Variants in ST6GALNAC3 observed in about 807,000 individuals in gnomAD.
The protein encoded by ST6GALNAC3 is alpha-N-acetylgalactosaminide alpha-2,6-sialyltransferase 3.
ST6GALNAC3 carries 25 observed loss-of-function variants against 32.7 expected under a neutral mutation model. The ratio of observed to expected loss-of-function variants is 0.76; its 90% CI spans 0.56 to 1.07. ST6GALNAC3 has a LOEUF of 1.07. ST6GALNAC3 is among the 50% of genes least tolerant of loss of function. The probability of loss-of-function intolerance (pLI) is 0.00; values close to 1 mark genes in which losing one functional copy is unlikely to be tolerated. For missense variants in ST6GALNAC3, 355 were observed against 382.4 expected (o/e 0.93, Z 0.60); for synonymous variants, 129 against 133.1 (o/e 0.97, Z 0.21).
At chr1:76,484,348 C>T (rs1424546187) in intron 3 of ST6GALNAC3, among the ~76,000 whole-genome samples, 1 of 152,166 alleles carries the variant, frequency 6.6e-6, no homozygotes, top group African/African-American at 2.4e-5. Context: ...TTCTTCCTAT[C>T]CATGAGCATG....
intron 3 of ST6GALNAC3, among the ~76,000 whole-genome samples, chr1:76,566,590 C>A (rs186574947): frequency 1.3e-5 from 2 of 152,064 alleles, no homozygotes; most frequent in African/African-American, 4.8e-5. Flanking sequence ...CTCTTCCCTG[C>A]GCTACCCAGT....
At chr1:76,265,499 T>C (rs1346533901) in intron 1 of ST6GALNAC3, among the ~76,000 whole-genome samples, 1 of 152,208 alleles carries the variant, frequency 6.6e-6, no homozygotes, top group East Asian at 1.9e-4. Flanking sequence ...TCTCTCAATT[T>C]GATAGGCTGT....
chr1:76,139,303 C>T (rs764988829), intron 1 of ST6GALNAC3, among the ~76,000 whole-genome samples: 16 of 152,042 alleles, frequency 1.1e-4, no homozygotes, highest in Non-Finnish European at 2.2e-4. Flanking sequence ...CATACATTCA[C>T]AACTCATACA....
intron 1 of ST6GALNAC3, among the ~76,000 whole-genome samples, chr1:76,301,770 A>G (rs1461655399): frequency 6.6e-6 from 1 of 151,992 alleles, no homozygotes; most frequent in Non-Finnish European, 1.5e-5. Context: ...ATTGATATCT[A>G]TGTATGAGAA....
At chr1:76,393,683 T>C (rs1220258690) in intron 2 of ST6GALNAC3, among the ~76,000 whole-genome samples, 2 of 152,172 alleles carry the variant, frequency 1.3e-5, no homozygotes, top group Non-Finnish European at 2.9e-5. Context: ...AATCCTTCTG[T>C]GATACAATAC....
intron 2 of ST6GALNAC3, among the ~76,000 whole-genome samples, chr1:76,381,884 C>T (rs1019617864): frequency 6.6e-6 from 1 of 152,118 alleles, no homozygotes; most frequent in Non-Finnish European, 1.5e-5. Context: ...TTGCAGATTT[C>T]TACACCACAC....
At chr1:76,121,532 C>T (rs141643685) in intron 1 of ST6GALNAC3, among the ~76,000 whole-genome samples, 17 of 152,122 alleles carry the variant, frequency 1.1e-4, no homozygotes, top group African/African-American at 3.6e-4. Context: ...CTGGCTAACA[C>T]GGTGAAACCC....
At chr1:76,378,622 A>G (rs1651434621) in intron 2 of ST6GALNAC3, among the ~76,000 whole-genome samples, 1 of 151,510 alleles carries the variant, frequency 6.6e-6, no homozygotes, top group South Asian at 2.1e-4. Flanking sequence ...AGATCACACC[A>G]CTGCACTCCA....
chr1:76,611,080 T>G (rs1324434145), intron 3 of ST6GALNAC3, among the ~76,000 whole-genome samples: 1 of 151,792 alleles, frequency 6.6e-6, no homozygotes, highest in East Asian at 1.9e-4. Context: ...TATATATATA[T>G]ATACACACAC....
In ST6GALNAC3 at chr1:76,190,360, C is replaced by T. The variant is rs79504245; in HGVS notation, c.18+115476C>T. ...TTTCAGCCTAGTGACTTCTTGCTGC[C>T]GTGGAGTGGCTGCAGTTTCCTTCTT... is the stretch of plus-strand genomic sequence containing the variant. On this transcript the variant is annotated intron_variant, in intron 1 of 4. Coordinates refer to ENST00000328299, the MANE Select transcript of ST6GALNAC3 (RefSeq NM_152996.4). 1.4e-3 allele frequency among the ~76,000 whole-genome samples: 217 copies of T among 152,204 alleles called. 2 individuals are homozygous for T. The East Asian group carries it at 0.038, about 27-fold the overall frequency.
chr1:76,423,477 A>G (rs1367071697), intron 3 of ST6GALNAC3, among the ~76,000 whole-genome samples: 1 of 151,994 alleles, frequency 6.6e-6, no homozygotes, highest in Non-Finnish European at 1.5e-5. Context: ...AATGAGAAGC[A>G]TTGAAAAAGA....
At chr1:76,114,259 ATAT>A (rs1466268378) in intron 1 of ST6GALNAC3, among the ~76,000 whole-genome samples, 2 of 152,272 alleles carry the variant, frequency 1.3e-5, no homozygotes, top group East Asian at 3.9e-4. Context: ...GGGTTCCAAA[ATAT>A]TAACTATAGT....
intron 1 of ST6GALNAC3, among the ~76,000 whole-genome samples, chr1:76,201,627 T>C (rs1219133147): frequency 6.6e-6 from 1 of 151,758 alleles, no homozygotes; most frequent in Non-Finnish European, 1.5e-5. Flanking sequence ...GAAGTCAGAA[T>C]ATAGGCGGTA....
At chr1:76,482,168 A>G (rs2101658738) in intron 3 of ST6GALNAC3, among the ~76,000 whole-genome samples, 1 of 151,442 alleles carries the variant, frequency 6.6e-6, no homozygotes, top group Non-Finnish European at 1.5e-5. Flanking sequence ...ACACACACAC[A>G]TGCACTTCAT....
At position 76,111,567 on chromosome 1, in the gene ST6GALNAC3, T is replaced by C. The variant is rs540067925; in HGVS notation, c.18+36683T>C. Among the ~76,000 whole-genome samples the C allele has an allele frequency of 5.7e-3, 856 of 150,458 alleles. 10 individuals are homozygous for C. The highest frequency in any genetic ancestry group is 0.02 in the African/African-American group (814 of 40,794). ...AGTGAACAAAGGTCTCTGGTTTTCC[T>C]AGGCAGAGGACCCTGCGGCCTTCCG... On this transcript the variant is annotated intron_variant, in intron 1 of 4. Coordinates refer to ENST00000328299, the MANE Select transcript of ST6GALNAC3 (RefSeq NM_152996.4).
rs372950138 is a variant in ST6GALNAC3 at position 76,313,984 on chromosome 1, T to C, written c.198T>C (p.Asn66=). 8.1e-6 allele frequency: 13 copies of C among 1,612,192 alleles called. No individual in the cohort carries two copies. The highest frequency in any genetic ancestry group is 7.7e-5 in the South Asian group (7 of 90,780). ...RPLRTHYGYI[N]VKTQEPLQLD... ...TTCGAACTCACTATGGATACATAAATGTGAAGACACAAGAGGTAAGATCCC... is the reference window on the plus strand; with the variant it reads ...TTCGAACTCACTATGGATACATAAACGTGAAGACACAAGAGGTAAGATCCC... Residue 66 remains asparagine (N), a synonymous_variant, in exon 2 of 5, where the codon AAT becomes AAC. Coordinates refer to ENST00000328299, the MANE Select transcript of ST6GALNAC3 (RefSeq NM_152996.4).
chr1:76,634,716 T>G (rs1224250989), downstream of ST6GALNAC3: 4 of 40,166 alleles, frequency 1.0e-4, 1 homozygote, highest in African/African-American at 8.0e-4. Flanking sequence ...TTTTTTTTTT[T>G]TGAGACGGAG....
intron 1 of ST6GALNAC3, among the ~76,000 whole-genome samples, chr1:76,113,335 C>CGGGAGA (rs1168358705): frequency 1.3e-4 from 2 of 15,306 alleles, no homozygotes; most frequent in Admixed American, 9.0e-4. Flanking sequence ...CGTGGGGAGA[C>CGGGAGA]GGGAGAGGGA....
chr1:76,232,283 T>C (rs17098431), intron 1 of ST6GALNAC3, among the ~76,000 whole-genome samples: 6,683 of 152,300 alleles, frequency 0.044, 176 homozygotes, highest in East Asian at 0.072. Context: ...TATTTATCCA[T>C]TGTATGGTGG....
Sources: gnomAD v4.1 joint callset for allele counts (sites outside exome capture counted in the v4.1 genomes callset) on GRCh38, gnomAD v4.1.1 for gene constraint, MANE v1.5 for transcripts, NCBI Gene and HGNC (gene_info 2026-07-23, HGNC 2026-07-21) for gene names.